Variants in TBC1D32 observed in about 807,000 individuals in gnomAD.
The protein encoded by TBC1D32 is protein broad-minded.
TBC1D32 carries 151 observed loss-of-function variants against 170.3 expected under a neutral mutation model. The ratio of observed to expected loss-of-function variants is 0.89; its 90% CI spans 0.78 to 1.01. The LOEUF is 1.01. TBC1D32 is among the 50% of genes least tolerant of loss of function. The pLI, the probability that TBC1D32 is intolerant of heterozygous loss-of-function variation, is 0.00. For missense variants in TBC1D32, 1,464 were observed against 1,457.1 expected, an observed-to-expected ratio of 1.00 and a Z score of -0.08; for synonymous variants, 498 against 488.0, an observed-to-expected ratio of 1.02 and a Z score of -0.27.
chr6:121,171,797 T>G (rs564134933), intron 22 of TBC1D32, among the ~76,000 whole-genome samples: 58 of 152,238 alleles, frequency 3.8e-4, no homozygotes, highest in Non-Finnish European at 6.8e-4. Context: ...ATAAAAAGTG[T>G]TCAAACAAAC....
chr6:121,310,778 C>G lies in TBC1D32; in HGVS notation c.564+1G>C, dbSNP rs1169583806. ...ACTTGACAGCTATCCTTGAAACTTACCTCTTTAGGTTGCCCAGGATCCAAC... is the reference window on the plus strand; with the variant it reads ...ACTTGACAGCTATCCTTGAAACTTAGCTCTTTAGGTTGCCCAGGATCCAAC... On this transcript the variant is annotated splice_donor_variant, in intron 4 of 31. Coordinates refer to ENST00000398212, the MANE Select transcript of TBC1D32 (RefSeq NM_152730.6). LOFTEE classifies it high-confidence loss of function. 3.9e-6 allele frequency: 6 copies of G among 1,544,278 alleles called. No homozygotes were observed. The South Asian group carries it at 7.1e-5, about 18-fold the overall frequency.
Position 121,304,639 on chromosome 6 carries a change from G to T in TBC1D32, c.770-14C>A, listed in dbSNP as rs751765860. 7.0e-6 allele frequency: 11 copies of T among 1,578,174 alleles called. No homozygotes were observed. Among genetic ancestry groups the T allele is most frequent in the Admixed American group, 1.8e-5 (1 of 55,016 alleles). Reference sequence around the variant, plus strand: ...CCAAATACTTAGCTGAAAAAAAAGGGAAAACATAAAATTACATCATTCATT... The same window carrying T: ...CCAAATACTTAGCTGAAAAAAAAGGTAAAACATAAAATTACATCATTCATT... On this transcript the variant is annotated splice_polypyrimidine_tract_variant and intron_variant, in intron 6 of 31. Transcript: ENST00000398212.
At chr6:121,248,063 A>C (rs145528111) in intron 17 of TBC1D32, among the ~76,000 whole-genome samples, 217 of 152,192 alleles carry the variant, frequency 1.4e-3, no homozygotes, top group Middle Eastern at 0.01. Flanking sequence ...AGACCACACG[A>C]TAAGCCACAA....
In TBC1D32 at chr6:121,239,075, G is replaced by A; in HGVS notation, c.2359C>T (p.Gln787Ter). 1 of 1,570,014 alleles carries A rather than the reference G, an allele frequency of 6.4e-7. No homozygotes were observed. The highest frequency in any genetic ancestry group is 1.2e-5 in the South Asian group (1 of 86,184). Residue 787 changes from glutamine to a stop codon, truncating the protein, a stop_gained, in exon 20 of 32, where the codon CAA (glutamine) becomes TAA (stop). Transcript: ENST00000398212. LOFTEE classifies it high-confidence loss of function. ...TTAGTCAAATAACTTCTTACCTTTT[G>A]ACAGCTTCGGTCAATAGGATCCACT... is the stretch of plus-strand genomic sequence containing the variant. ...TPVDPIDRSC[Q>*]KSFLALVNLL...
chr6:121,224,549 G>A (rs1794857655), intron 20 of TBC1D32: 1 of 151,990 alleles, frequency 6.6e-6, no homozygotes, highest in African/African-American at 2.4e-5. Context: ...GAAGTGGCTT[G>A]GCCAAAGACA....
At chr6:121,301,297 C>CCAT (rs1806439969) in intron 9 of TBC1D32, among the ~76,000 whole-genome samples, 1 of 151,664 alleles carries the variant, frequency 6.6e-6, no homozygotes, top group Admixed American at 6.6e-5. Context: ...ACCCAAATGC[C>CCAT]CAATGATAGA....
chr6:121,297,938 T>C (rs1805910089), intron 10 of TBC1D32, among the ~76,000 whole-genome samples: 1 of 152,016 alleles, frequency 6.6e-6, no homozygotes, highest in African/African-American at 2.4e-5. Flanking sequence ...CAGCAGGTCA[T>C]CATGCTAAAC....
chr6:121,287,976 C>T (rs1281157032), intron 12 of TBC1D32, among the ~76,000 whole-genome samples: 1 of 152,076 alleles, frequency 6.6e-6, no homozygotes, highest in Non-Finnish European at 1.5e-5. Context: ...CACAACATAC[C>T]AGAATCTCTG....
intron 12 of TBC1D32, among the ~76,000 whole-genome samples, chr6:121,287,363 A>G (rs1432266255): frequency 2.0e-5 from 3 of 152,206 alleles, no homozygotes; most frequent in Non-Finnish European, 2.9e-5. Context: ...CTAGTCTCTA[A>G]TAAAACAGAC....
intron 25 of TBC1D32, among the ~76,000 whole-genome samples, chr6:121,131,157 C>T (rs61142512): frequency 0.03 from 4,600 of 151,682 alleles, 233 homozygotes; most frequent in African/African-American, 0.1. Flanking sequence ...AAAACAAATG[C>T]GCAAGTAGAT....
At chr6:121,146,439 G>C (rs1246156579) in intron 24 of TBC1D32, among the ~76,000 whole-genome samples, 1 of 152,178 alleles carries the variant, frequency 6.6e-6, no homozygotes. Context: ...GAGTTGATAT[G>C]CCTCAGGAAC....
intron 10 of TBC1D32, among the ~76,000 whole-genome samples, chr6:121,295,394 T>A (rs929814258): frequency 2.0e-5 from 3 of 148,750 alleles, no homozygotes; most frequent in Non-Finnish European, 3.0e-5. Context: ...TTCAGAGGAG[T>A]TTGGTGAATA....
At chr6:121,096,772 C>T (rs1274178609) in intron 30 of TBC1D32, among the ~76,000 whole-genome samples, 1 of 152,120 alleles carries the variant, frequency 6.6e-6, no homozygotes, top group Admixed American at 6.6e-5. Context: ...AAGCTGGAGG[C>T]ATCACGCTAC....
intron 1 of TBC1D32, among the ~76,000 whole-genome samples, chr6:121,331,375 ATTT>A (rs5879594): frequency 1.0e-4 from 14 of 139,342 alleles, no homozygotes; most frequent in African/African-American, 1.3e-4. Context: ...TGCCCGGCTA[ATTT>A]TTTTTTTTTT....
At position 121,304,837 on chromosome 6, in the gene TBC1D32, C is replaced by A; in HGVS notation, c.691-4G>T. 1 of 1,601,110 alleles carries A rather than the reference C, an allele frequency of 6.2e-7. No individual in the cohort carries two copies. Among genetic ancestry groups the A allele is most frequent in the Non-Finnish European group, 8.5e-7 (1 of 1,173,824 alleles). On this transcript the variant is annotated splice_polypyrimidine_tract_variant and splice_region_variant and intron_variant, in intron 5 of 31. Coordinates refer to ENST00000398212, the MANE Select transcript of TBC1D32 (RefSeq NM_152730.6). ...CACAGAATTTTAAAATCCGGTCCTA[C>A]GGAAATGAGACAGAAAATTTGCATC...
At chr6:121,202,279 G>GAAAA (rs59539189) in intron 22 of TBC1D32, among the ~76,000 whole-genome samples, 18 of 113,982 alleles carry the variant, frequency 1.6e-4, no homozygotes, top group Non-Finnish European at 2.5e-4. Flanking sequence ...ACTAGAGAAT[G>GAAAA]AAAAAAAAAA....
At chr6:121,262,939 G>A (rs988143825) in intron 15 of TBC1D32, among the ~76,000 whole-genome samples, 1 of 151,990 alleles carries the variant, frequency 6.6e-6, no homozygotes, top group African/African-American at 2.4e-5. Flanking sequence ...ACTAAATAGG[G>A]AGAGGAAAAA....
intron 24 of TBC1D32, among the ~76,000 whole-genome samples, chr6:121,132,527 A>C (rs1781548415): frequency 1.3e-5 from 2 of 151,980 alleles, no homozygotes; most frequent in African/African-American, 4.8e-5. Context: ...GTATATAGGT[A>C]ACTGCTTCTT....
In TBC1D32 at chr6:121,307,985, AG is replaced by A. The variant is rs1465941486; in HGVS notation, c.680del (p.Pro227LeufsTer8). On this transcript the variant is annotated frameshift_variant, in exon 5 of 32. Coordinates refer to ENST00000398212, the MANE Select transcript of TBC1D32 (RefSeq NM_152730.6). LOFTEE classifies it high-confidence loss of function. ...KLTVSLSDPDPVFSDRILKFC... is the reference protein window; with the variant it reads ...KLTVSLSDPDXVFSDRILKFC... The stretch of plus-strand genomic sequence containing the variant: ...ATAACCATTTTCTTACACTAAACAC[AG>A]GATCAGGATCTGAAAGAGACACGGT... The A allele has an allele frequency of 2.5e-6, 4 of 1,612,346 alleles. No homozygotes were observed. In the African/African-American group the frequency reaches 5.3e-5, roughly 22 times the overall value.
Sources: gnomAD v4.1 joint callset for allele counts (sites outside exome capture counted in the v4.1 genomes callset) on GRCh38, gnomAD v4.1.1 for gene constraint, MANE v1.5 for transcripts, NCBI Gene and HGNC (gene_info 2026-07-23, HGNC 2026-07-21) for gene names.